Variants in TMEM132D observed in about 807,000 individuals in gnomAD.
TMEM132D encodes transmembrane protein 132D, also known as mature OL transmembrane protein.
Under a neutral mutation model 62.3 loss-of-function variants are expected in TMEM132D, and 21 were observed. The observed-to-expected ratio is 0.34, with a 90% confidence interval of 0.24 to 0.49. The LOEUF (loss-of-function observed/expected upper bound fraction) is 0.49, where lower values mean the gene tolerates loss of function less well. Among genes scored for constraint, TMEM132D ranks in the 20% least tolerant of loss-of-function variants. The pLI, the probability that TMEM132D is intolerant of heterozygous loss-of-function variation, is 0.99. For missense variants in TMEM132D, 1,346 were observed against 1,402.8 expected, an observed-to-expected ratio of 0.96 and a Z score of 0.65; for synonymous variants, 621 against 575.6, an observed-to-expected ratio of 1.08 and a Z score of -1.13.
intron 2 of TMEM132D, among the ~76,000 whole-genome samples, chr12:129,536,932 A>C (rs1024303916): frequency 3.9e-5 from 6 of 152,090 alleles, no homozygotes; most frequent in Admixed American, 2.6e-4. Context: ...CGAGGTGGGA[A>C]GATCACCTGA....
chr12:129,169,938 A>G lies in TMEM132D; in HGVS notation c.1443+39582T>C, dbSNP rs191607613. ...TTTGATATGTTACTTATATTTTCTA[A>G]CACATTACATCAAATACACAAATGT... On this transcript the variant is annotated intron_variant, in intron 5 of 8. Coordinates refer to ENST00000422113, the MANE Select transcript of TMEM132D (RefSeq NM_133448.3). Among the ~76,000 whole-genome samples the G allele has an allele frequency of 1.4e-3, 219 of 152,372 alleles. 1 individual carries two copies. Among genetic ancestry groups the G allele is most frequent in the African/African-American group, 5.1e-3 (213 of 41,590 alleles).
At chr12:129,720,591 C>T (rs570936556) in intron 1 of TMEM132D, among the ~76,000 whole-genome samples, 1 of 152,156 alleles carries the variant, frequency 6.6e-6, no homozygotes, top group Non-Finnish European at 1.5e-5. Flanking sequence ...AGTGCCGTGG[C>T]TGGGCCGTCT....
intron 4 of TMEM132D, among the ~76,000 whole-genome samples, chr12:129,334,661 C>T (rs1593341039): frequency 6.6e-6 from 1 of 152,198 alleles, no homozygotes; most frequent in Non-Finnish European, 1.5e-5. Flanking sequence ...CACCCAGGCT[C>T]GCTCTGTCAC....
chr12:129,163,043 G>A (rs1313158013), intron 5 of TMEM132D, among the ~76,000 whole-genome samples: 11 of 152,174 alleles, frequency 7.2e-5, no homozygotes, highest in African/African-American at 2.4e-4. Context: ...CCGACACCAC[G>A]TCCTGGGGGT....
intron 2 of TMEM132D, among the ~76,000 whole-genome samples, chr12:129,563,271 A>G (rs1266614858): frequency 6.6e-6 from 1 of 152,188 alleles, no homozygotes; most frequent in African/African-American, 2.4e-5. Flanking sequence ...AACCTTCAAG[A>G]TCTTGTTCAA....
intron 2 of TMEM132D, among the ~76,000 whole-genome samples, chr12:129,603,352 G>A (rs367680373): frequency 1.3e-5 from 2 of 152,138 alleles, no homozygotes; most frequent in Non-Finnish European, 2.9e-5. Flanking sequence ...TACTGTCTCC[G>A]AGGTTTTGTC....
At chr12:129,228,160 C>A (rs1253319117) in intron 4 of TMEM132D, among the ~76,000 whole-genome samples, 1 of 151,994 alleles carries the variant, frequency 6.6e-6, no homozygotes. Flanking sequence ...CTGCCATTGA[C>A]CTAAGGTTGT....
At position 129,654,255 on chromosome 12, in the gene TMEM132D, T is replaced by C. The variant is rs200369597; in HGVS notation, c.968+45555A>G. On this transcript the variant is annotated intron_variant, in intron 2 of 8. Transcript: ENST00000422113. The stretch of plus-strand genomic sequence containing the variant: ...TTCCCATCAGTCTCAGTCTCTCTCT[T>C]TCTCTCTCTCTCTCTCACTCTCTCG... Among the ~76,000 whole-genome samples, 552 of 147,580 alleles carry C rather than the reference T, an allele frequency of 3.7e-3. 12 individuals carry two copies. In the East Asian group the frequency reaches 0.058, roughly 15 times the overall value.
intron 3 of TMEM132D, among the ~76,000 whole-genome samples, chr12:129,386,074 T>A (rs748591754): frequency 6.6e-6 from 1 of 152,180 alleles, no homozygotes; most frequent in East Asian, 1.9e-4. Context: ...TGGCTCACAG[T>A]GGTAATGGCC....
At chr12:129,782,096 T>C (rs1178985286) in intron 1 of TMEM132D, among the ~76,000 whole-genome samples, 1 of 152,168 alleles carries the variant, frequency 6.6e-6, no homozygotes, top group East Asian at 1.9e-4. Flanking sequence ...ACAGGCTGAG[T>C]ATCCCTTACC....
At chr12:129,431,666 G>A (rs761569169) in intron 3 of TMEM132D, among the ~76,000 whole-genome samples, 5 of 152,184 alleles carry the variant, frequency 3.3e-5, no homozygotes, top group Non-Finnish European at 7.3e-5. Flanking sequence ...TACCGTTCAT[G>A]CAACATCCAT....
intron 1 of TMEM132D, among the ~76,000 whole-genome samples, chr12:129,797,268 GT>G (rs1315742811): frequency 1.3e-5 from 2 of 152,158 alleles, no homozygotes; most frequent in African/African-American, 4.8e-5. Context: ...ACAGCTGAAT[GT>G]TTTCAGTTAC....
chr12:129,148,556 C>T (rs1876978042), intron 5 of TMEM132D, among the ~76,000 whole-genome samples: 1 of 152,146 alleles, frequency 6.6e-6, no homozygotes, highest in African/African-American at 2.4e-5. Flanking sequence ...CCTAAGCTCC[C>T]CCTGCAAAGG....
intron 1 of TMEM132D, among the ~76,000 whole-genome samples, chr12:129,783,910 T>C (rs942896994): frequency 6.6e-6 from 1 of 152,238 alleles, no homozygotes; most frequent in Non-Finnish European, 1.5e-5. Flanking sequence ...CACACCATTC[T>C]AAACGATCAT....
At chr12:129,316,923 G>T (rs143107043) in intron 4 of TMEM132D, among the ~76,000 whole-genome samples, 4 of 152,068 alleles carry the variant, frequency 2.6e-5, no homozygotes, top group African/African-American at 7.2e-5. Context: ...TCTTTTAACT[G>T]CTGCTGCTTT....
chr12:129,596,816 A>AC (rs1270582042), intron 2 of TMEM132D, among the ~76,000 whole-genome samples: 1 of 144,362 alleles, frequency 6.9e-6, no homozygotes, highest in Non-Finnish European at 1.5e-5. Context: ...CACCCCATCC[A>AC]CCCCCCGCCA....
At chr12:129,886,444 A>G (rs913349956) in intron 1 of TMEM132D, among the ~76,000 whole-genome samples, 3 of 152,338 alleles carry the variant, frequency 2.0e-5, no homozygotes, top group African/African-American at 7.2e-5. Context: ...ATCAGAAAAT[A>G]TACAGACGTT....
chr12:129,307,799 T>C (rs1881879587), intron 4 of TMEM132D, among the ~76,000 whole-genome samples: 1 of 152,206 alleles, frequency 6.6e-6, no homozygotes, highest in South Asian at 2.1e-4. Flanking sequence ...TCTTTGCAAG[T>C]GGTCTTGCTG....
intron 4 of TMEM132D, among the ~76,000 whole-genome samples, chr12:129,282,498 G>A (rs776263868): frequency 3.3e-5 from 5 of 152,148 alleles, no homozygotes; most frequent in Non-Finnish European, 4.4e-5. Flanking sequence ...CACCAGCTAC[G>A]ATCCGGGCTG....
Sources: gnomAD v4.1 joint callset for allele counts (sites outside exome capture counted in the v4.1 genomes callset) on GRCh38, gnomAD v4.1.1 for gene constraint, MANE v1.5 for transcripts, NCBI Gene and HGNC (gene_info 2026-07-23, HGNC 2026-07-21) for gene names.